The following ANKRD36C variants were observed in gnomAD, a reference collection of about 807,000 sequenced individuals.
ANKRD36C encodes ankyrin repeat domain 36C.
ANKRD36C carries 61 observed loss-of-function variants against 276.4 expected under a neutral mutation model. That is an observed-to-expected ratio of 0.22 (90% CI 0.18 to 0.27). The LOEUF is 0.27. Ranked by LOEUF, ANKRD36C falls within the 10% of genes least tolerant of loss-of-function variation. The probability of loss-of-function intolerance (pLI) is 1.00; values close to 1 mark genes in which losing one functional copy is unlikely to be tolerated. For missense variants in ANKRD36C, 1,447 were observed against 2,032.3 expected (o/e 0.71, Z 5.54); for synonymous variants, 483 against 680.1 (o/e 0.71, Z 4.51).
At chr2:95,890,489 C>T (rs1676317010) in intron 46 of ANKRD36C, among the ~76,000 whole-genome samples, 1 of 151,504 alleles carries the variant, frequency 6.6e-6, no homozygotes, top group Non-Finnish European at 1.5e-5. Flanking sequence ...CTTCACATCT[C>T]CTCAGTGGAA....
intron 6 of ANKRD36C, 61 bp from the exon 7 acceptor site, chr2:95,962,608 T>G: frequency 6.3e-7 from 1 of 1,578,554 alleles, no homozygotes; most frequent in East Asian, 2.3e-5. Context: ...TATCCATACA[T>G]TCATGCACTG....
intron 44 of ANKRD36C, among the ~76,000 whole-genome samples, chr2:95,892,326 G>C (rs1375796418): frequency 6.6e-6 from 1 of 151,410 alleles, no homozygotes; most frequent in East Asian, 1.9e-4. Flanking sequence ...ACACAATTAC[G>C]ATAACAATTC....
chr2:95,944,736 A>C lies in ANKRD36C; in HGVS notation c.1424-42T>G, dbSNP rs1206222041. The C allele has an allele frequency of 5.9e-6, 9 of 1,531,044 alleles. No individual in the cohort carries two copies. In the South Asian group the frequency reaches 9.5e-5, roughly 16 times the overall value. 94.8% of individuals were successfully genotyped at this position (1,531,044 alleles called of 1,614,324 possible). On this transcript the variant is annotated intron_variant, in intron 18 of 66. Transcript: ENST00000456556. ...GTCAAGAGTAGATGAAATGCATGTA[A>C]TTAAGAATCAGTAAATAAGAACCGG... is the stretch of plus-strand genomic sequence containing the variant.
chr2:95,848,934 C>CAA (rs1675230607), downstream of ANKRD36C: 2 of 393,804 alleles, frequency 5.1e-6, no homozygotes, highest in African/African-American at 4.3e-5. Flanking sequence ...ATAAAAGATA[C>CAA]AAAAATATTT....
At chr2:95,864,081 C>CA (rs955174174) in intron 60 of ANKRD36C, among the ~76,000 whole-genome samples, 17 of 151,446 alleles carry the variant, frequency 1.1e-4, no homozygotes, top group Non-Finnish European at 2.4e-4. Context: ...TGGGGGTATA[C>CA]AAAAAAATAT....
At chr2:95,921,790 C>T (rs1573769214) in exon 33 of ANKRD36C, 1 of 1,601,978 alleles carries the variant, frequency 6.2e-7, no homozygotes, top group East Asian at 2.3e-5. Flanking sequence ...ACCTTCAAGG[C>T]TGGTTGTTTC....
chr2:95,950,157 C>T (rs369999257), intron 16 of ANKRD36C, among the ~76,000 whole-genome samples: 6,426 of 95,592 alleles, frequency 0.067, no homozygotes, highest in African/African-American at 0.13. Context: ...ATTCTCCAAG[C>T]ACAGTAAAAT....
In ANKRD36C at chr2:95,891,717, ATCTT is replaced by A. The variant is rs1187232287; in HGVS notation, c.2801_2804del (p.Lys934IlefsTer4). Reference sequence around the variant, plus strand: ...TTCCTCTGGCTATATTCAAAACAGAATCTTTCTCGTCACTTGTAGCCTGAATGGA... The same window carrying A: ...TTCCTCTGGCTATATTCAAAACAGAATCTCGTCACTTGTAGCCTGAATGGA... On this transcript the variant is annotated frameshift_variant, in exon 46 of 67. Transcript: ENST00000456556. LOFTEE classifies it high-confidence loss of function. The A allele has an allele frequency of 6.3e-7, 1 of 1,581,606 alleles. No homozygotes were observed. The highest frequency in any genetic ancestry group is 8.6e-7 in the Non-Finnish European group (1 of 1,161,918).
At chr2:95,974,888 G>A (rs1366137977) in intron 6 of ANKRD36C, among the ~76,000 whole-genome samples, 7 of 144,886 alleles carry the variant, frequency 4.8e-5, no homozygotes, top group Non-Finnish European at 8.9e-5. Context: ...CCACCTATGA[G>A]TGAGAACATG....
At chr2:95,949,056 C>T (rs1678128893) in intron 16 of ANKRD36C, among the ~76,000 whole-genome samples, 1 of 152,070 alleles carries the variant, frequency 6.6e-6, no homozygotes, top group Non-Finnish European at 1.5e-5. Context: ...GATTCAAAGA[C>T]TAATCTGTGT....
At chr2:95,976,518 A>G (rs1379661313) in intron 6 of ANKRD36C, among the ~76,000 whole-genome samples, 1 of 152,174 alleles carries the variant, frequency 6.6e-6, no homozygotes, top group Non-Finnish European at 1.5e-5. Flanking sequence ...GTATTTCCAC[A>G]AGGAGCAGAT....
intron 60 of ANKRD36C, among the ~76,000 whole-genome samples, 168 bp downstream of exon 80, chr2:95,867,272 C>T (rs889108043): frequency 2.6e-5 from 4 of 152,104 alleles, no homozygotes; most frequent in Non-Finnish European, 4.4e-5. Flanking sequence ...TAGCCCTTGG[C>T]TGAGAAGGTA....
At chr2:95,967,226 A>G (rs1438628375) in intron 6 of ANKRD36C, among the ~76,000 whole-genome samples, 1 of 152,192 alleles carries the variant, frequency 6.6e-6, no homozygotes, top group Non-Finnish European at 1.5e-5. Context: ...GAATGGGAGG[A>G]AATGTTTGCA....
intron 1 of ANKRD36C, among the ~76,000 whole-genome samples, chr2:95,987,994 T>A (rs950041873): frequency 1.3e-5 from 2 of 152,140 alleles, no homozygotes; most frequent in African/African-American, 4.8e-5. Context: ...ATTACATTTA[T>A]AACTGGCAAC....
intron 10 of ANKRD36C, among the ~76,000 whole-genome samples, chr2:95,960,264 G>A (rs1158605545): frequency 9.2e-5 from 14 of 152,030 alleles, no homozygotes; most frequent in African/African-American, 1.7e-4. Context: ...CCCAATTTCA[G>A]TGTAGGGAAG....
At chr2:95,856,060 A>T in exon 63 of ANKRD36C, 1 of 1,596,498 alleles carries the variant, frequency 6.3e-7, no homozygotes, top group Non-Finnish European at 8.5e-7. Context: ...AAGTCTTTTA[A>T]GTATTTCTTT....
At chr2:95,933,216 G>A (rs375714238) in intron 24 of ANKRD36C, among the ~76,000 whole-genome samples, 22 of 152,288 alleles carry the variant, frequency 1.4e-4, no homozygotes, top group Non-Finnish European at 2.4e-4. Context: ...GTCAGGTAGC[G>A]TGATGCCTCC....
chr2:95,870,398 C>T (rs1222437288), intron 59 of ANKRD36C, among the ~76,000 whole-genome samples: 1 of 152,226 alleles, frequency 6.6e-6, no homozygotes, highest in Non-Finnish European at 1.5e-5. Flanking sequence ...GATACCCAGG[C>T]AGACAGGGTC....
chr2:95,948,532 C>T, exon 17 of ANKRD36C: 1 of 1,535,482 alleles, frequency 6.5e-7, no homozygotes, highest in Non-Finnish European at 8.7e-7. Context: ...TACTCTACCT[C>T]AGATTCCAAA....
Sources: gnomAD v4.1 joint callset for allele counts (sites outside exome capture counted in the v4.1 genomes callset) on GRCh38, gnomAD v4.1.1 for gene constraint, MANE v1.5 for transcripts, NCBI Gene and HGNC (gene_info 2026-07-23, HGNC 2026-07-21) for gene names.